Variants in ASRGL1 observed in about 807,000 individuals in gnomAD.
The protein encoded by ASRGL1 is isoaspartyl peptidase/L-asparaginase.
ASRGL1 carries 16 observed loss-of-function variants against 22.4 expected under a neutral mutation model. The ratio of observed to expected loss-of-function variants is 0.71; its 90% CI spans 0.48 to 1.08. The LOEUF is 1.08. ASRGL1 is among the 50% of genes least tolerant of loss of function. The pLI, the probability that ASRGL1 is intolerant of heterozygous loss-of-function variation, is 0.00. For synonymous variants in ASRGL1, 165 were observed against 159.3 expected, an observed-to-expected ratio of 1.04 and a Z score of -0.27; for missense variants, 412 against 410.1, an observed-to-expected ratio of 1.00 and a Z score of -0.04.
chr11:62,370,696 C>G (rs1163696592), intron 4 of ASRGL1, among the ~76,000 whole-genome samples: 5 of 152,134 alleles, frequency 3.3e-5, no homozygotes, highest in Admixed American at 3.3e-4. Flanking sequence ...GTAGCATTGA[C>G]CTCAAGGTGC....
downstream of ASRGL1, among the ~76,000 whole-genome samples, chr11:62,395,886 C>T (rs1466088301): frequency 6.7e-6 from 1 of 150,086 alleles, no homozygotes; most frequent in East Asian, 2.0e-4. Context: ...ATTCTCCTGC[C>T]TCAGCCTCCC....
intron 2 of ASRGL1, among the ~76,000 whole-genome samples, chr11:62,340,997 TG>T (rs1271717415): frequency 2.0e-5 from 3 of 152,206 alleles, no homozygotes; most frequent in Non-Finnish European, 4.4e-5. Context: ...AATTGAAAAG[TG>T]GTTGATTTTT....
intron 5 of ASRGL1, among the ~76,000 whole-genome samples, chr11:62,390,589 T>G (rs1204406901): frequency 3.3e-5 from 5 of 152,200 alleles, no homozygotes; most frequent in African/African-American, 4.8e-5. Flanking sequence ...TTTGACACCA[T>G]GGAACCCGGT....
chr11:62,391,076 A>G (rs1430764906), intron 5 of ASRGL1, among the ~76,000 whole-genome samples: 1 of 152,234 alleles, frequency 6.6e-6, no homozygotes, highest in African/African-American at 2.4e-5. Flanking sequence ...GCCCTCCATT[A>G]GACAGTGTGC....
In ASRGL1 at chr11:62,367,191, A is replaced by T. The variant is rs1483091559; in HGVS notation, c.491+10047A>T. Among the ~76,000 whole-genome samples the T allele has an allele frequency of 3.3e-5, 5 of 152,008 alleles. No individual in the cohort carries two copies. The East Asian group carries it at 9.7e-4, about 29-fold the overall frequency. On this transcript the variant is annotated intron_variant, in intron 4 of 6. Coordinates refer to ENST00000415229, the MANE Select transcript of ASRGL1 (RefSeq NM_001083926.2). Reference sequence around the variant, plus strand: ...ATCTCTACTAAAAATGCAAAAAATTAGCCGGGCATGGTGGTAGGTACCTGT... The same window carrying T: ...ATCTCTACTAAAAATGCAAAAAATTTGCCGGGCATGGTGGTAGGTACCTGT...
At position 62,389,144 on chromosome 11, in the gene ASRGL1, C is replaced by G; in HGVS notation, c.503C>G (p.Thr168Ser). The change falls in exon 5 of 7, where the codon ACC becomes AGC. Residue 168 changes from threonine to serine, a missense_variant. Thr to Ser is a moderately conservative substitution (Grantham distance 58). Coordinates refer to ENST00000415229, the MANE Select transcript of ASRGL1 (RefSeq NM_001083926.2). ...TTTATTTTTGGCAGAAACTTGGGAA[C>G]CGTGGGTGCTGTTGCCTTGGACTGC... ...QKTDCQKNLG[T>S]VGAVALDCKG... 1 of 1,610,356 alleles carries G rather than the reference C, an allele frequency of 6.2e-7. No homozygotes were observed. The highest frequency in any genetic ancestry group is 2.2e-5 in the East Asian group (1 of 44,744).
chr11:62,365,767 T>C (rs1946598302), intron 4 of ASRGL1, among the ~76,000 whole-genome samples: 1 of 152,080 alleles, frequency 6.6e-6, no homozygotes, highest in South Asian at 2.1e-4. Flanking sequence ...GAGAATTCCT[T>C]AAACCCAGGA....
chr11:62,390,098 G>A (rs1389346810), intron 5 of ASRGL1, among the ~76,000 whole-genome samples: 2 of 152,204 alleles, frequency 1.3e-5, no homozygotes, highest in Non-Finnish European at 1.5e-5. Flanking sequence ...GAGATGTGAA[G>A]TAGTCTACCT....
At chr11:62,344,027 G>A (rs1398864733) in intron 2 of ASRGL1, among the ~76,000 whole-genome samples, 2 of 146,878 alleles carry the variant, frequency 1.4e-5, no homozygotes, top group East Asian at 2.1e-4. Context: ...CTCCTGAGTA[G>A]CTAGGATTAC....
downstream of ASRGL1, among the ~76,000 whole-genome samples, chr11:62,395,622 G>A (rs1947422979): frequency 6.6e-6 from 1 of 152,084 alleles, no homozygotes; most frequent in Non-Finnish European, 1.5e-5. Context: ...GTGTCCTGTT[G>A]TCAGAGGTGA....
chr11:62,396,664 AAAATTCTGGG>A (rs1947436151), downstream of ASRGL1, among the ~76,000 whole-genome samples: 1 of 152,194 alleles, frequency 6.6e-6, no homozygotes, highest in Non-Finnish European at 1.5e-5. Context: ...TCTAGCTTTC[AAAATTCTGGG>A]ATTTTTACAA....
intron 4 of ASRGL1, among the ~76,000 whole-genome samples, chr11:62,361,189 GTTTTGTTT>G (rs142091328): frequency 0.045 from 6,819 of 151,874 alleles, 528 homozygotes; most frequent in African/African-American, 0.16. Context: ...GTTTTGTGGG[GTTTTGTTT>G]TTTTGTTTTT....
chr11:62,367,780 A>G (rs1299244554), intron 4 of ASRGL1, among the ~76,000 whole-genome samples: 2 of 151,552 alleles, frequency 1.3e-5, no homozygotes, highest in African/African-American at 2.4e-5. Flanking sequence ...CATCTCTACT[A>G]AAAATACAAA....
chr11:62,345,442 T>C (rs1311915758), intron 2 of ASRGL1, among the ~76,000 whole-genome samples: 2 of 152,128 alleles, frequency 1.3e-5, no homozygotes, highest in African/African-American at 4.8e-5. Context: ...CTAATTTTTG[T>C]ATTTTTAGGG....
chr11:62,375,178 A>G (rs1439055998), intron 4 of ASRGL1, among the ~76,000 whole-genome samples: 1 of 151,912 alleles, frequency 6.6e-6, no homozygotes, highest in East Asian at 1.9e-4. Context: ...TCTGGCTTAG[A>G]TTGAAAAATG....
chr11:62,397,994 AT>A (rs1237911252), downstream of ASRGL1, among the ~76,000 whole-genome samples: 1 of 151,956 alleles, frequency 6.6e-6, no homozygotes, highest in Non-Finnish European at 1.5e-5. Context: ...TCGGCGTCGC[AT>A]CTTCTGCTTG....
chr11:62,370,955 C>G (rs527917613), intron 4 of ASRGL1, among the ~76,000 whole-genome samples: 1 of 152,196 alleles, frequency 6.6e-6, no homozygotes, highest in South Asian at 2.1e-4. Flanking sequence ...ACAGTAGGTA[C>G]TGCTACCAAC....
chr11:62,347,820 G>C (rs927387546), intron 2 of ASRGL1, among the ~76,000 whole-genome samples: 1 of 152,122 alleles, frequency 6.6e-6, no homozygotes, highest in Non-Finnish European at 1.5e-5. Flanking sequence ...CCAGCTACTT[G>C]GGAGGCTGAG....
In ASRGL1 at chr11:62,338,167, G is replaced by A; in HGVS notation, c.190G>A (p.Gly64Ser). The part of the protein sequence containing the change: ...ALEDDPEFNA[G>S]CGSVLNTNGE... ...GGAAGACGATCCCGAGTTCAACGCA[G>A]GTAAATGTGCCTTTCAGCTAGTAAA... The change falls in exon 2 of 7, where the codon GGT (glycine) becomes AGT (serine). Residue 64 changes from glycine (G) to serine (S), a missense_variant and splice_region_variant. Coordinates refer to ENST00000415229, the MANE Select transcript of ASRGL1 (RefSeq NM_001083926.2). 1.3e-6 allele frequency: 2 copies of A among 1,557,994 alleles called. No homozygotes were observed. Among genetic ancestry groups the A allele is most frequent in the Non-Finnish European group, 1.7e-6 (2 of 1,154,370 alleles).
Sources: allele counts gnomAD v4.1 joint callset (sites outside exome capture counted in the v4.1 genomes callset), GRCh38; gene constraint gnomAD v4.1.1; transcripts MANE v1.5; gene names NCBI Gene and HGNC (gene_info 2026-07-23, HGNC 2026-07-21).